The following TUSC3 variants were observed in gnomAD, a reference collection of about 807,000 sequenced individuals.
The protein encoded by TUSC3 is dolichyl-diphosphooligosaccharide--protein glycosyltransferase subunit TUSC3.
In TUSC3, 45 loss-of-function variants were observed where a neutral mutation model predicts 44.8. The ratio of observed to expected loss-of-function variants is 1.00; its 90% CI spans 0.79 to 1.29. TUSC3 has a LOEUF of 1.29. Ranked by LOEUF, TUSC3 falls within the 50% of genes most tolerant of loss-of-function variation. TUSC3 has a pLI of 0.00. For missense variants in TUSC3, 519 were observed against 437.9 expected (o/e 1.19, Z -1.65); for synonymous variants, 212 against 152.9 (o/e 1.39, Z -2.85).
rs192173187 is a variant in TUSC3 at position 15,540,666 on chromosome 8, G to T, written c.138+98G>T. ...TGCCGTGTTGCTAGGCAGCCTGGTC[G>T]CCGGCGTGGGCGATGCCGGCGCTGG... On this transcript the variant is annotated intron_variant, in intron 1 of 10. Coordinates refer to ENST00000503731, the MANE Select transcript of TUSC3 (RefSeq NM_006765.4). 1,719 of 1,413,470 alleles carry T rather than the reference G, an allele frequency of 1.2e-3. 18 individuals are homozygous for T. The African/African-American group carries it at 0.023, about 19-fold the overall frequency. 87.6% of individuals were successfully genotyped at this position (1,413,470 alleles called of 1,614,324 possible).
intron 2 of TUSC3, among the ~76,000 whole-genome samples, chr8:15,643,967 A>G (rs2129172798): frequency 6.6e-6 from 1 of 152,330 alleles, no homozygotes; most frequent in Admixed American, 6.5e-5. Context: ...AACTGTAAAG[A>G]CATACAATGG....
At chr8:15,434,676 C>T (rs1667469435) in intron 1 of TUSC3, among the ~76,000 whole-genome samples, 1 of 151,708 alleles carries the variant, frequency 6.6e-6, no homozygotes, top group African/African-American at 2.4e-5. Flanking sequence ...TGCTATCCCT[C>T]CCCCACGACT....
At chr8:15,450,699 A>G (rs940101227) in intron 1 of TUSC3, among the ~76,000 whole-genome samples, 2 of 152,210 alleles carry the variant, frequency 1.3e-5, no homozygotes, top group African/African-American at 2.4e-5. Flanking sequence ...TAATAAAAGT[A>G]TACAGTTAAC....
rs148354729 is a variant in TUSC3, at chr8:15,520,160, T to C, written n.189+36677T>C. ...CAATCTCTTTGTCATCCAAATTCAG[T>C]AAGCACCCCTTTTCTGCAAGGCATT... On this transcript the variant is annotated intron_variant and non_coding_transcript_variant, in intron 2 of 5. Coordinates refer to the TUSC3 transcript ENST00000503191. Among the ~76,000 whole-genome samples, 277 of 152,258 alleles carry C rather than the reference T, an allele frequency of 1.8e-3. 1 individual carries two copies. The highest frequency in any genetic ancestry group is 6.4e-3 in the African/African-American group (266 of 41,536).
At chr8:15,559,389 C>A (rs1221560206) in intron 1 of TUSC3, among the ~76,000 whole-genome samples, 1 of 148,620 alleles carries the variant, frequency 6.7e-6, no homozygotes, top group African/African-American at 2.5e-5. Flanking sequence ...AATTTCTGTT[C>A]TTTTACATTT....
At chr8:15,504,209 G>A (rs1801014068) in intron 2 of TUSC3, among the ~76,000 whole-genome samples, 2 of 151,954 alleles carry the variant, frequency 1.3e-5, no homozygotes, top group South Asian at 2.1e-4. Flanking sequence ...TCTGTCACTT[G>A]CCAGCTGAGT....
chr8:15,688,393 CATAAA>C lies in TUSC3; in HGVS notation c.798+14563_798+14567del, dbSNP rs148338546. On this transcript the variant is annotated intron_variant, in intron 6 of 10. Transcript: ENST00000503731. ...CTTTAGTAAGTTTTTCGTAACCTTA[CATAAA>C]ATAAACATTCAAAAACTAACACTTC... is the stretch of plus-strand genomic sequence containing the variant. 2.0e-3 allele frequency among the ~76,000 whole-genome samples: 294 copies of C among 149,424 alleles called. 2 individuals carry two copies. Among genetic ancestry groups the C allele is most frequent in the African/African-American group, 7.0e-3 (286 of 40,718 alleles).
intron 2 of TUSC3, among the ~76,000 whole-genome samples, chr8:15,640,737 C>A (rs1262613124): frequency 6.6e-6 from 1 of 152,008 alleles, no homozygotes; most frequent in Non-Finnish European, 1.5e-5. Flanking sequence ...ATTGAATGGT[C>A]ACTGTGTATA....
At chr8:15,616,023 G>C (rs962711389) in intron 1 of TUSC3, among the ~76,000 whole-genome samples, 4 of 152,104 alleles carry the variant, frequency 2.6e-5, no homozygotes, top group African/African-American at 9.7e-5. Context: ...TTGTGGAGTT[G>C]GGGCCTCACT....
At chr8:15,558,742 T>G (rs978346523) in intron 1 of TUSC3, among the ~76,000 whole-genome samples, 2 of 121,668 alleles carry the variant, frequency 1.6e-5, no homozygotes, top group Non-Finnish European at 3.5e-5. Context: ...TGGGAGAGTG[T>G]ATGTGTCGAG....
At chr8:15,629,918 C>G (rs779906467) in intron 2 of TUSC3, among the ~76,000 whole-genome samples, 30 of 152,048 alleles carry the variant, frequency 2.0e-4, no homozygotes, top group Non-Finnish European at 3.4e-4. Flanking sequence ...CAATTCTCAC[C>G]TCCCTCAGTG....
the TUSC3 span, among the ~76,000 whole-genome samples, chr8:15,842,560 C>G: frequency 6.6e-6 from 1 of 152,064 alleles, no homozygotes; most frequent in Non-Finnish European, 1.5e-5. Flanking sequence ...CTCCATGGAG[C>G]AAAATGATGA....
the TUSC3 span, among the ~76,000 whole-genome samples, chr8:15,849,637 TCTCACA>T: frequency 6.6e-6 from 1 of 152,240 alleles, no homozygotes; most frequent in Admixed American, 6.5e-5. Context: ...TCAGCCTCCC[TCTCACA>T]CTAGCAAATC....
the TUSC3 span, among the ~76,000 whole-genome samples, chr8:15,820,862 T>A: frequency 2.6e-5 from 4 of 152,186 alleles, no homozygotes; most frequent in Admixed American, 2.0e-4. Context: ...CTCTTTAAAA[T>A]CAAAATCATA....
intron 7 of TUSC3, among the ~76,000 whole-genome samples, chr8:15,735,853 C>T (rs1010209310): frequency 6.6e-5 from 10 of 151,130 alleles, no homozygotes; most frequent in Admixed American, 6.6e-4. Context: ...GTGCACGCTG[C>T]CACACCCGGC....
At chr8:15,487,450 A>G (rs1380181979) in intron 2 of TUSC3, among the ~76,000 whole-genome samples, 1 of 152,222 alleles carries the variant, frequency 6.6e-6, no homozygotes, top group East Asian at 1.9e-4. Context: ...GACAGTGGCC[A>G]AAGTCTATCT....
chr8:15,417,619 G>A (rs1328126945), intron 1 of TUSC3, among the ~76,000 whole-genome samples: 1 of 152,188 alleles, frequency 6.6e-6, no homozygotes, highest in Non-Finnish European at 1.5e-5. Context: ...TGTAAAGAAG[G>A]AGTTAGGGTA....
At chr8:15,686,719 A>C (rs1173581079) in intron 6 of TUSC3, among the ~76,000 whole-genome samples, 1 of 152,130 alleles carries the variant, frequency 6.6e-6, no homozygotes, top group African/African-American at 2.4e-5. Context: ...GCTTTATTAC[A>C]GTCTTCATAC....
chr8:15,565,100 C>T (rs1388344680), intron 1 of TUSC3, among the ~76,000 whole-genome samples: 1 of 151,790 alleles, frequency 6.6e-6, no homozygotes, highest in Non-Finnish European at 1.5e-5. Flanking sequence ...ATGTCCAAGT[C>T]AGTCTCACTG....
Sources: gnomAD v4.1 joint callset for allele counts (sites outside exome capture counted in the v4.1 genomes callset) on GRCh38, gnomAD v4.1.1 for gene constraint, MANE v1.5 for transcripts, NCBI Gene and HGNC (gene_info 2026-07-23, HGNC 2026-07-21) for gene names.